Variants in MAP2K7 observed in about 807,000 individuals in gnomAD.
The protein encoded by MAP2K7 is dual specificity mitogen-activated protein kinase kinase 7.
In MAP2K7, 12 loss-of-function variants were observed where a neutral mutation model predicts 47.7. That is an observed-to-expected ratio of 0.25 (90% CI 0.16 to 0.41). The LOEUF (loss-of-function observed/expected upper bound fraction) is 0.41. Ranked by LOEUF, MAP2K7 falls within the 10% of genes least tolerant of loss-of-function variation. MAP2K7 has a pLI of 1.00. For missense variants in MAP2K7, 415 were observed against 600.3 expected (o/e 0.69, Z 3.23); for synonymous variants, 299 against 243.0 (o/e 1.23, Z -2.14).
chr19:7,909,873 G>A lies in MAP2K7; in HGVS notation c.243G>A (p.Leu81=), dbSNP rs1286714707. ...ACATGCTGGGGCTCCCGTCAACCCTGTTCACACCCCGCAGCATGGAGAGGT... is the reference window on the plus strand; with the variant it reads ...ACATGCTGGGGCTCCCGTCAACCCTATTCACACCCCGCAGCATGGAGAGGT... ...PRHMLGLPST[L]FTPRSMESIE... Residue 81 remains leucine (L), a synonymous_variant, in exon 2 of 11, where the codon CTG becomes CTA. Coordinates refer to ENST00000397979, the MANE Select transcript of MAP2K7 (RefSeq NM_145185.4). 1 of 1,532,946 alleles carries A rather than the reference G, an allele frequency of 6.5e-7. No homozygotes were observed. Among genetic ancestry groups the A allele is most frequent in the African/African-American group, 1.4e-5 (1 of 72,548 alleles). 95.0% of individuals were successfully genotyped at this position (1,532,946 alleles called of 1,614,324 possible). A position where few individuals can be genotyped will look rare whatever the true frequency, so the allele number is the denominator to read the frequency against.
At chr19:7,908,928 C>T (rs748233378) in intron 1 of MAP2K7, among the ~76,000 whole-genome samples, 5 of 152,122 alleles carry the variant, frequency 3.3e-5, no homozygotes, top group Non-Finnish European at 7.4e-5. Flanking sequence ...GCCGCCTGCC[C>T]ACCCCAGGGT....
rs539740397 is a variant in MAP2K7, at chr19:7,912,877, C to T, written c.*446C>T. 1.4e-4 allele frequency: 26 copies of T among 183,210 alleles called. No homozygotes were observed. The highest frequency in any genetic ancestry group is 5.7e-4 in the African/African-American group (24 of 42,046). The allele number at this position is 183,210 out of a possible 1,614,324, so 11.3% of individuals were successfully genotyped here. Reference sequence around the variant, plus strand: ...CCTCTCTGTCCTTGTCTGGCTCTCCCGTCACCCTCCCTGCCTCTGTCTCTC... The same window carrying T: ...CCTCTCTGTCCTTGTCTGGCTCTCCTGTCACCCTCCCTGCCTCTGTCTCTC... On this transcript the variant is annotated 3_prime_UTR_variant, in exon 11 of 11. Transcript: ENST00000397979.
rs1174430903 is a variant in MAP2K7, at chr19:7,911,106, C to T, written c.802C>T (p.Leu268=). The T allele has an allele frequency of 1.2e-6, 2 of 1,612,346 alleles. No homozygotes were observed. Among genetic ancestry groups the T allele is most frequent in the South Asian group, 2.2e-5 (2 of 91,088 alleles). The change falls in exon 7 of 11, where the codon CTG becomes TTG. Residue 268 remains leucine, a synonymous_variant. Transcript: ENST00000397979. ...CTGCGACTTCGGCATCAGCGGCCGCCTGGTGGACTCCAAAGCCAAGACGCG... is the reference window on the plus strand; with the variant it reads ...CTGCGACTTCGGCATCAGCGGCCGCTTGGTGGACTCCAAAGCCAAGACGCG... ...KLCDFGISGR[L]VDSKAKTRSA...
chr19:7,911,138 C>G lies in MAP2K7; in HGVS notation c.834C>G (p.Ala278=). 1 of 1,610,222 alleles carries G rather than the reference C, an allele frequency of 6.2e-7. No individual in the cohort carries two copies. Among genetic ancestry groups the G allele is most frequent in the Non-Finnish European group, 8.5e-7 (1 of 1,178,734 alleles). The change falls in exon 7 of 11, where the codon GCC becomes GCG. Residue 278 remains alanine (A), a synonymous_variant. Coordinates refer to ENST00000397979, the MANE Select transcript of MAP2K7 (RefSeq NM_145185.4). ...LVDSKAKTRS[A]GCAAYMAPER... is the part of the protein sequence containing the mutation. ...ACTCCAAAGCCAAGACGCGGAGCGC[C>G]GGCTGTGCCGCCTACATGGCAGTGA...
At position 7,904,044 on chromosome 19, in the gene MAP2K7, A is replaced by G. The variant is rs1460437314; in HGVS notation, c.100A>G (p.Ile34Val). 3.9e-6 allele frequency: 5 copies of G among 1,279,964 alleles called. No individual in the cohort carries two copies. The African/African-American group carries it at 5.1e-5, about 13-fold the overall frequency. 79.3% of individuals were successfully genotyped at this position (1,279,964 alleles called of 1,614,324 possible). Reference sequence around the variant, plus strand: ...GCGGAGGATCGACCTCAACCTGGATATCAGCCCCCAGCGGCCCAGGCCCAG... The same window carrying G: ...GCGGAGGATCGACCTCAACCTGGATGTCAGCCCCCAGCGGCCCAGGCCCAG... ...ARRRIDLNLD[I>V]SPQRPRPTLQ... Residue 34 changes from isoleucine to valine, a missense_variant, in exon 1 of 11, where the codon ATC (isoleucine) becomes GTC (valine). Around this residue, in one of 3 missense-constraint regions of MAP2K7, gnomAD observed 115 missense variants for 126.2 expected, o/e 0.91. Coordinates refer to ENST00000397979, the MANE Select transcript of MAP2K7 (RefSeq NM_145185.4).
chr19:7,911,222 G>A, intron 7 of MAP2K7, 28 bp from the exon 8 acceptor site: 1 of 1,609,822 alleles, frequency 6.2e-7, no homozygotes, highest in Non-Finnish European at 8.5e-7. Flanking sequence ...CAGCCTTGGA[G>A]ATACGTCTTC....
At chr19:7,908,740 C>A (rs79817042) in intron 1 of MAP2K7, among the ~76,000 whole-genome samples, 1 of 152,030 alleles carries the variant, frequency 6.6e-6, no homozygotes, top group Non-Finnish European at 1.5e-5. Flanking sequence ...GTTAGCATCC[C>A]GGCCTCTGTT....
rs774524340 is a variant in MAP2K7, at chr19:7,910,105, G to T, written c.309G>T (p.Thr103=). ...DQKLQEIMKQ[T]GYLTIGGQRY... ...AGCTGCAGGAGATCATGAAGCAGACGGGCTACCTGACCATCGGGGGCCAGG... is the reference window on the plus strand; with the variant it reads ...AGCTGCAGGAGATCATGAAGCAGACTGGCTACCTGACCATCGGGGGCCAGG... The change falls in exon 3 of 11, where the codon ACG becomes ACT. Residue 103 remains threonine (T), a synonymous_variant. Coordinates refer to ENST00000397979, the MANE Select transcript of MAP2K7 (RefSeq NM_145185.4). 6.2e-7 allele frequency: 1 copy of T among 1,606,342 alleles called. No individual in the cohort carries two copies. The highest frequency in any genetic ancestry group is 8.5e-7 in the Non-Finnish European group (1 of 1,177,358).
chr19:7,906,591 A>C (rs1376128975), intron 1 of MAP2K7: 1 of 152,338 alleles, frequency 6.6e-6, no homozygotes, highest in Non-Finnish European at 1.5e-5. Context: ...TGTCTCAAAA[A>C]TTTAAAAACT....
chr19:7,905,154 C>T (rs1599619949), intron 1 of MAP2K7, among the ~76,000 whole-genome samples: 1 of 152,180 alleles, frequency 6.6e-6, no homozygotes, highest in Non-Finnish European at 1.5e-5. Flanking sequence ...GACCCATGAT[C>T]CTTTTTGTGT....
At chr19:7,905,214 G>A (rs1277777218) in intron 1 of MAP2K7, among the ~76,000 whole-genome samples, 7 of 152,052 alleles carry the variant, frequency 4.6e-5, no homozygotes, top group Non-Finnish European at 7.4e-5. Flanking sequence ...TGTGACCTTC[G>A]TAGTTTATTT....
chr19:7,912,316 G>T lies in MAP2K7; in HGVS notation c.1145G>T (p.Arg382Leu). 1 of 1,613,658 alleles carries T rather than the reference G, an allele frequency of 6.2e-7. No homozygotes were observed. Among genetic ancestry groups the T allele is most frequent in the Non-Finnish European group, 8.5e-7 (1 of 1,179,980 alleles). The change falls in exon 11 of 11, where the codon CGC (arginine) becomes CTC (leucine). Residue 382 changes from arginine to leucine, a missense_variant. This residue lies in a region of MAP2K7 where 94 missense variants were observed against 105.2 expected (regional missense o/e 0.89). Coordinates refer to ENST00000397979, the MANE Select transcript of MAP2K7 (RefSeq NM_145185.4). ...NKLLEHSFIKRYETLEVDVAS... is the reference protein window; with the variant it reads ...NKLLEHSFIKLYETLEVDVAS... ...CCACAGGAACACAGCTTCATCAAGC[G>T]CTACGAGACGCTGGAGGTGGACGTG...
Position 7,911,344 on chromosome 19 carries a change from C to T in MAP2K7, c.936+14C>T, listed in dbSNP as rs1201328908. The T allele has an allele frequency of 6.2e-6, 10 of 1,613,444 alleles. No homozygotes were observed. In the East Asian group the frequency reaches 2.0e-4, roughly 32 times the overall value. ...GGCATCTCGTTGGTGAGTTGGGGCC[C>T]TCCCCTGTTCTCCAGCCAGGAGTGA... On this transcript the variant is annotated intron_variant, in intron 8 of 10. Coordinates refer to ENST00000397979, the MANE Select transcript of MAP2K7 (RefSeq NM_145185.4).
intron 1 of MAP2K7, 107 bp downstream of exon 1, chr19:7,904,175 C>T: frequency 1.1e-6 from 1 of 913,074 alleles, no homozygotes; most frequent in African/African-American, 1.8e-5. Context: ...GGGGCGCTCG[C>T]TCTCCTCTCC....
rs771785211 is a variant in MAP2K7 at position 7,912,395 on chromosome 19, C to T, written c.1224C>T (p.Gly408=). The change falls in exon 11 of 11, where the codon GGC becomes GGT. Residue 408 remains glycine, a synonymous_variant. Coordinates refer to ENST00000397979, the MANE Select transcript of MAP2K7 (RefSeq NM_145185.4). The part of the protein sequence containing the change: ...MAKTESPRTS[G]VLSQPHLPFF... ...AGACTGAGTCACCGCGGACTAGCGG[C>T]GTCCTGAGCCAGCCCCACCTGCCCT... The T allele has an allele frequency of 9.3e-6, 15 of 1,612,640 alleles. No homozygotes were observed. Among genetic ancestry groups the T allele is most frequent in the East Asian group, 2.2e-5 (1 of 44,884 alleles).
rs774524340 is a variant in MAP2K7 at position 7,910,105 on chromosome 19, G to C, written c.309G>C (p.Thr103=). 6.2e-7 allele frequency: 1 copy of C among 1,606,460 alleles called. No homozygotes were observed. Among genetic ancestry groups the C allele is most frequent in the Non-Finnish European group, 8.5e-7 (1 of 1,177,350 alleles). The change falls in exon 3 of 11, where the codon ACG becomes ACC. Residue 103 remains threonine (T), a synonymous_variant. Coordinates refer to ENST00000397979, the MANE Select transcript of MAP2K7 (RefSeq NM_145185.4). ...DQKLQEIMKQ[T]GYLTIGGQRY... is the part of the protein sequence containing the mutation. The stretch of plus-strand genomic sequence containing the variant: ...AGCTGCAGGAGATCATGAAGCAGAC[G>C]GGCTACCTGACCATCGGGGGCCAGG...
intron 1 of MAP2K7, chr19:7,906,014 T>TCAGCC (rs1265554573): frequency 5.6e-6 from 4 of 719,178 alleles, no homozygotes; most frequent in African/African-American, 5.2e-5. Context: ...CAAGCAGCGG[T>TCAGCC]CAGCCCAGCC....
At chr19:7,904,179 C>T (rs1336740877) in intron 1 of MAP2K7, 111 bp downstream of exon 1, 8 of 872,676 alleles carry the variant, frequency 9.2e-6, no homozygotes, top group Non-Finnish European at 1.0e-5. Context: ...CGCTCGCTCT[C>T]CTCTCCGCCC....
chr19:7,908,122 G>A (rs1431085049), intron 1 of MAP2K7, among the ~76,000 whole-genome samples: 10 of 151,248 alleles, frequency 6.6e-5, no homozygotes, highest in African/African-American at 1.7e-4. Flanking sequence ...TTGAGATCAC[G>A]CCACTGCACT....
Sources: gnomAD v4.1 joint callset for allele counts (sites outside exome capture counted in the v4.1 genomes callset) on GRCh38, gnomAD v4.1.1 for gene constraint, gnomAD v4.1.1 regional missense constraint, MANE v1.5 for transcripts, NCBI Gene and HGNC (gene_info 2026-07-23, HGNC 2026-07-21) for gene names.